SYT1: variants seen among roughly 807,000 people sequenced by gnomAD.
SYT1 encodes the protein synaptotagmin 1, also known as synaptotagmin-1.
In SYT1, 8 loss-of-function variants were observed where a neutral mutation model predicts 44.8. That is an observed-to-expected ratio of 0.18 (90% CI 0.10 to 0.32). SYT1 has a LOEUF of 0.32. SYT1 is among the 10% of genes least tolerant of loss of function. The pLI is 1.00. For synonymous variants in SYT1, 154 were observed against 188.8 expected, an observed-to-expected ratio of 0.82 and a Z score of 1.51; for missense variants, 286 against 509.3, an observed-to-expected ratio of 0.56 and a Z score of 4.22.
intron 1 of SYT1, among the ~76,000 whole-genome samples, chr12:78,937,259 A>G (rs1440200623): frequency 6.6e-6 from 1 of 152,010 alleles, no homozygotes; most frequent in African/African-American, 2.4e-5. Context: ...CCTTCTGGGT[A>G]TGACTCATTT....
chr12:79,018,139 A>G (rs1871931037), intron 2 of SYT1, among the ~76,000 whole-genome samples: 1 of 151,866 alleles, frequency 6.6e-6, no homozygotes, highest in African/African-American at 2.4e-5. Flanking sequence ...TGTGGCACAT[A>G]TACACCATGG....
chr12:79,021,700 A>G (rs1044111275), intron 2 of SYT1, among the ~76,000 whole-genome samples: 13 of 151,888 alleles, frequency 8.6e-5, no homozygotes, highest in African/African-American at 2.9e-4. Context: ...GCACCAAATC[A>G]GAAAGCTAGC....
intron 8 of SYT1, among the ~76,000 whole-genome samples, chr12:79,308,942 A>G (rs1880621544): frequency 6.6e-6 from 1 of 152,284 alleles, no homozygotes. Flanking sequence ...GGGAGATTCC[A>G]AAACCATAGC....
intron 4 of SYT1, among the ~76,000 whole-genome samples, chr12:79,278,175 T>A (rs924586233): frequency 6.6e-5 from 10 of 151,944 alleles, no homozygotes; most frequent in Non-Finnish European, 1.3e-4. Context: ...TAACAAATAT[T>A]TACAAAACAT....
chr12:79,314,796 A>C (rs1432621724), intron 8 of SYT1, among the ~76,000 whole-genome samples: 1 of 152,192 alleles, frequency 6.6e-6, no homozygotes, highest in Non-Finnish European at 1.5e-5. Flanking sequence ...CATAACAGCC[A>C]AAAAAGTAGA....
chr12:79,087,648 G>T (rs1038026394), intron 3 of SYT1, among the ~76,000 whole-genome samples: 4 of 151,948 alleles, frequency 2.6e-5, no homozygotes, highest in Admixed American at 2.6e-4. Flanking sequence ...CCAGGCAGAG[G>T]GATAACAGAA....
chr12:78,950,794 T>A (rs941459223), intron 1 of SYT1, among the ~76,000 whole-genome samples: 2 of 152,074 alleles, frequency 1.3e-5, no homozygotes, highest in African/African-American at 4.8e-5. Context: ...CTGATTTGCT[T>A]TTCTAAACAG....
intron 8 of SYT1, among the ~76,000 whole-genome samples, chr12:79,334,231 C>G (rs999377872): frequency 6.6e-6 from 1 of 151,988 alleles, no homozygotes; most frequent in African/African-American, 2.4e-5. Context: ...ACTATTTTCT[C>G]TGTCCTATGC....
chr12:78,872,232 G>C (rs1245698076), intron 1 of SYT1, among the ~76,000 whole-genome samples: 2 of 151,804 alleles, frequency 1.3e-5, no homozygotes, highest in Non-Finnish European at 2.9e-5. Flanking sequence ...AAAAGTACTT[G>C]ATATGCAAGT....
chr12:79,167,060 A>G (rs569080284), intron 3 of SYT1, among the ~76,000 whole-genome samples: 2 of 152,218 alleles, frequency 1.3e-5, no homozygotes, highest in South Asian at 4.1e-4. Flanking sequence ...TAAATATGGC[A>G]TAAGTAAAGG....
intron 2 of SYT1, among the ~76,000 whole-genome samples, chr12:79,007,969 A>G (rs1871197178): frequency 6.6e-6 from 1 of 152,058 alleles, no homozygotes; most frequent in Admixed American, 6.6e-5. Flanking sequence ...ATAGTAATAA[A>G]TATGTTAGCC....
intron 8 of SYT1, among the ~76,000 whole-genome samples, chr12:79,343,318 C>T (rs77891712): frequency 0.021 from 3,156 of 152,244 alleles, 40 homozygotes; most frequent in Middle Eastern, 0.065. Context: ...AGACATGGCA[C>T]ATGTAGAAAA....
At chr12:79,345,192 A>G (rs1297349668) in intron 8 of SYT1, among the ~76,000 whole-genome samples, 1 of 152,180 alleles carries the variant, frequency 6.6e-6, no homozygotes. Flanking sequence ...GGGGAAAACT[A>G]GAAGGCTTGT....
chr12:78,881,399 ATTG>A (rs1434448850), intron 1 of SYT1, among the ~76,000 whole-genome samples: 1 of 151,658 alleles, frequency 6.6e-6, no homozygotes, highest in African/African-American at 2.4e-5. Flanking sequence ...TTTTAGGATT[ATTG>A]TTCATAGAGC....
chr12:79,041,837 G>T (rs200494873), intron 2 of SYT1, among the ~76,000 whole-genome samples: 1 of 151,924 alleles, frequency 6.6e-6, no homozygotes. Context: ...AGCATGAAGG[G>T]TTGTTGAATT....
chr12:79,231,922 C>T (rs1875891317), intron 4 of SYT1, among the ~76,000 whole-genome samples: 1 of 152,062 alleles, frequency 6.6e-6, no homozygotes, highest in African/African-American at 2.4e-5. Flanking sequence ...AGCAACTAAC[C>T]GAGGTTCAGG....
chr12:79,339,662 C>T (rs990315846), intron 8 of SYT1, among the ~76,000 whole-genome samples: 48 of 151,964 alleles, frequency 3.2e-4, no homozygotes, highest in African/African-American at 1.1e-3. Context: ...GTGCAGAAGC[C>T]CTTTAGTTTA....
At chr12:79,396,533 A>G (rs909585251) in intron 9 of SYT1, among the ~76,000 whole-genome samples, 17 of 152,296 alleles carry the variant, frequency 1.1e-4, no homozygotes, top group African/African-American at 3.8e-4. Context: ...ATACTAATCC[A>G]GTACAAAACA....
At chr12:78,915,865 TTTG>T (rs1876622047) in intron 1 of SYT1, among the ~76,000 whole-genome samples, 1 of 152,014 alleles carries the variant, frequency 6.6e-6, no homozygotes, top group South Asian at 2.1e-4. Context: ...TTTTCAGGGC[TTTG>T]TTATCTACTT....
Sources: gnomAD v4.1 joint callset for allele counts (sites outside exome capture counted in the v4.1 genomes callset) on GRCh38, gnomAD v4.1.1 for gene constraint, MANE v1.5 for transcripts, NCBI Gene and HGNC (gene_info 2026-07-23, HGNC 2026-07-21) for gene names.